Variants in NKD1 observed in about 807,000 individuals in gnomAD.
The protein encoded by NKD1 is NKD inhibitor of Wnt signaling pathway 1.
Under a neutral mutation model 56.0 loss-of-function variants are expected in NKD1, and 21 were observed. That is an observed-to-expected ratio of 0.38 (90% CI 0.27 to 0.54). NKD1 has a LOEUF of 0.54. Among genes scored for constraint, NKD1 ranks in the 20% least tolerant of loss-of-function variants. The pLI, the probability that NKD1 is intolerant of heterozygous loss-of-function variation, is 0.82. For synonymous variants in NKD1, 263 were observed against 265.7 expected (o/e 0.99, Z 0.10); for missense variants, 578 against 642.7 (o/e 0.90, Z 1.09).
At chr16:50,587,774 C>T (rs560716046) in intron 3 of NKD1, among the ~76,000 whole-genome samples, 7 of 152,332 alleles carry the variant, frequency 4.6e-5, no homozygotes, top group Non-Finnish European at 8.8e-5. Context: ...GGCAGCACTA[C>T]AGGAGGTGAG....
chr16:50,611,336 C>T (rs935373004), intron 4 of NKD1, among the ~76,000 whole-genome samples: 2 of 131,856 alleles, frequency 1.5e-5, no homozygotes, highest in Admixed American at 7.0e-5. Context: ...TCTATTTCTC[C>T]ACTCTCCGGC....
chr16:50,647,071 C>T lies in NKD1; in HGVS notation c.*13290C>T, dbSNP rs1962694711. 1 of 152,198 alleles carries T rather than the reference C, an allele frequency of 6.6e-6. No homozygotes were observed. Among genetic ancestry groups the T allele is most frequent in the Non-Finnish European group, 1.5e-5 (1 of 68,042 alleles). The allele number at this position is 152,198 out of a possible 1,614,324, so 9.4% of individuals were successfully genotyped here. Reference sequence around the variant, plus strand: ...CAGCTGGTTGGCAAGCAGCATCAACCAGCTCTTTCTTTTCACTATATTACA... The same window carrying T: ...CAGCTGGTTGGCAAGCAGCATCAACTAGCTCTTTCTTTTCACTATATTACA... On this transcript the variant is annotated 3_prime_UTR_variant, in exon 10 of 10. Transcript: ENST00000268459.
Position 50,634,101 on chromosome 16 carries a change from G to A in NKD1, c.*320G>A. ...CAGCCCACACCCTTCCCAGAGCCAG[G>A]GAGCCCTTAGCCTCAACTCTGCCCC... On this transcript the variant is annotated 3_prime_UTR_variant, in exon 10 of 10. Transcript: ENST00000268459. The A allele has an allele frequency of 8.6e-6, 2 of 232,958 alleles. No homozygotes were observed. Among genetic ancestry groups the A allele is most frequent in the Non-Finnish European group, 1.6e-5 (2 of 121,900 alleles). The allele number at this position is 232,958 out of a possible 1,614,324, so 14.4% of individuals were successfully genotyped here. A position where few individuals can be genotyped will look rare whatever the true frequency, so the allele number is the denominator to read the frequency against.
chr16:50,564,921 G>A (rs1179719898), intron 3 of NKD1, among the ~76,000 whole-genome samples: 1 of 152,178 alleles, frequency 6.6e-6, no homozygotes, highest in East Asian at 1.9e-4. Context: ...CCCTTTGGAG[G>A]TATCTGCTGT....
intron 4 of NKD1, 46 bp from the exon 5 acceptor site, chr16:50,621,556 C>A: frequency 7.1e-7 from 1 of 1,407,708 alleles, no homozygotes; most frequent in Non-Finnish European, 1.0e-6. Flanking sequence ...GGCTGCCCGG[C>A]GTCTGGACCC....
In NKD1 at chr16:50,564,504, A is replaced by C. The variant is rs1274856342; in HGVS notation, c.192+14949A>C. Among the ~76,000 whole-genome samples the C allele has an allele frequency of 3.3e-5, 5 of 152,182 alleles. No homozygotes were observed. The East Asian group carries it at 9.6e-4, about 29-fold the overall frequency. ...CAAAAATGTGGCCAGGATCAAAATT[A>C]TTATTATGGGGAAACTGAGGCCAGA... is the stretch of plus-strand genomic sequence containing the variant. On this transcript the variant is annotated intron_variant, in intron 3 of 9. Transcript: ENST00000268459.
chr16:50,586,692 T>G (rs1202606581), intron 3 of NKD1, among the ~76,000 whole-genome samples: 3 of 152,178 alleles, frequency 2.0e-5, no homozygotes, highest in Non-Finnish European at 2.9e-5. Flanking sequence ...AGAGAAAAGT[T>G]CAACCCATCA....
intron 3 of NKD1, among the ~76,000 whole-genome samples, chr16:50,550,924 G>A (rs1321518400): frequency 6.6e-6 from 1 of 152,122 alleles, no homozygotes; most frequent in Non-Finnish European, 1.5e-5. Context: ...TATTCCTGCA[G>A]AATGACATTT....
chr16:50,582,955 C>T (rs924249435), intron 3 of NKD1, among the ~76,000 whole-genome samples: 16 of 152,144 alleles, frequency 1.1e-4, no homozygotes, highest in Non-Finnish European at 2.1e-4. Context: ...TGCAGTGAGC[C>T]GAGATTGCGC....
intron 3 of NKD1, among the ~76,000 whole-genome samples, chr16:50,584,898 C>T (rs1346482768): frequency 2.0e-5 from 3 of 152,166 alleles, no homozygotes; most frequent in Admixed American, 6.5e-5. Context: ...TCTGGGCTGT[C>T]GTCTGTAGAT....
intron 3 of NKD1, chr16:50,607,426 T>C (rs1961737835): frequency 6.1e-6 from 1 of 165,262 alleles, no homozygotes; most frequent in Non-Finnish European, 1.3e-5. Context: ...CAAAGAGAAG[T>C]TGGTGACAGC....
intron 3 of NKD1, among the ~76,000 whole-genome samples, chr16:50,590,955 G>A (rs1961353470): frequency 6.6e-6 from 1 of 152,054 alleles, no homozygotes; most frequent in Non-Finnish European, 1.5e-5. Flanking sequence ...GTAGCTGGTA[G>A]CTGGGATTAC....
intron 3 of NKD1, among the ~76,000 whole-genome samples, chr16:50,569,818 C>T (rs541442558): frequency 4.9e-4 from 75 of 152,274 alleles, no homozygotes; most frequent in African/African-American, 1.7e-3. Context: ...GGTCCAAGAA[C>T]TTATTAAGTG....
At chr16:50,625,115 C>A (rs1962179985) in intron 5 of NKD1, 1 of 310,172 alleles carries the variant, frequency 3.2e-6, no homozygotes, top group South Asian at 3.2e-5. Context: ...ACCCTGGCAT[C>A]CTCCTGGGGC....
chr16:50,616,438 A>G (rs1961961724), intron 4 of NKD1, among the ~76,000 whole-genome samples: 1 of 152,110 alleles, frequency 6.6e-6, no homozygotes, highest in South Asian at 2.1e-4. Context: ...TTTTATGTAA[A>G]TTTCAACTCC....
chr16:50,548,681 T>TGCC lies in NKD1; in HGVS notation c.26-20_26-18dup, dbSNP rs544250205. 220 of 1,460,694 alleles carry TGCC rather than the reference T, an allele frequency of 1.5e-4. No individual in the cohort carries two copies. The East Asian group carries it at 2.1e-3, about 14-fold the overall frequency. 90.5% of individuals were successfully genotyped at this position (1,460,694 alleles called of 1,614,324 possible). ...TCTTTCCTTCTCCCGCCGCCGCGGC[T>TGCC]GCCGCCGCCGCCGCCGCCTCGCGAT... On this transcript the variant is annotated intron_variant, in intron 1 of 9. Transcript: ENST00000268459.
intron 3 of NKD1, chr16:50,555,808 T>C (rs1031486250): frequency 1.3e-5 from 2 of 152,248 alleles, no homozygotes; most frequent in African/African-American, 4.8e-5. Context: ...ACTTTTGGAC[T>C]TTTCACATCA....
At chr16:50,596,537 G>A (rs769401198) in intron 3 of NKD1, among the ~76,000 whole-genome samples, 3 of 152,222 alleles carry the variant, frequency 2.0e-5, no homozygotes, top group African/African-American at 4.8e-5. Flanking sequence ...ACTACAGCGC[G>A]TGGAAACACG....
chr16:50,611,616 G>A (rs1961849706), intron 4 of NKD1, among the ~76,000 whole-genome samples: 1 of 152,174 alleles, frequency 6.6e-6, no homozygotes, highest in African/African-American at 2.4e-5. Flanking sequence ...CCTGGTGGGG[G>A]CTGAGCAGCA....
Sources: allele counts gnomAD v4.1 joint callset (sites outside exome capture counted in the v4.1 genomes callset), GRCh38; gene constraint gnomAD v4.1.1; transcripts MANE v1.5; gene names NCBI Gene and HGNC (gene_info 2026-07-23, HGNC 2026-07-21).